Variants in CAMSAP1 observed in about 807,000 individuals in gnomAD.
CAMSAP1 encodes calmodulin-regulated spectrin-associated protein 1.
A neutral mutation model predicts 143.5 loss-of-function variants in CAMSAP1; 58 were observed. The ratio of observed to expected loss-of-function variants is 0.40; its 90% CI spans 0.33 to 0.50. The LOEUF is 0.50. Among genes scored for constraint, CAMSAP1 ranks in the 20% least tolerant of loss-of-function variants. The pLI, the probability that CAMSAP1 is intolerant of heterozygous loss-of-function variation, is 0.45. For synonymous variants in CAMSAP1, 945 were observed against 859.3 expected, an observed-to-expected ratio of 1.10 and a Z score of -1.74; for missense variants, 1,969 against 2,115.7, an observed-to-expected ratio of 0.93 and a Z score of 1.36.
intron 1 of CAMSAP1, among the ~76,000 whole-genome samples, chr9:135,889,120 G>T (rs1188187044): frequency 6.6e-6 from 1 of 152,198 alleles, no homozygotes; most frequent in Non-Finnish European, 1.5e-5. Context: ...CAGTGGCACA[G>T]CAGCCACTCT....
In CAMSAP1 at chr9:135,820,894, G is replaced by A. The variant is rs761933553; in HGVS notation, c.3767C>T (p.Ser1256Leu). ...EDGELVSLDG[S>L]ADLVSEGDQK... The stretch of plus-strand genomic sequence containing the variant: ...GTCGCCTTCGCTGACAAGGTCCGCC[G>A]AGCCATCGAGGCTTACCAGCTCCCC... The change falls in exon 11 of 17, where the codon TCG becomes TTG. Residue 1256 changes from serine to leucine, a missense_variant. Physicochemically the swap from Ser to Leu is moderately radical, Grantham distance 145 (BLOSUM62 -2). Around this residue, in one of 4 missense-constraint regions of CAMSAP1, gnomAD observed 1,390 missense variants for 1,420.8 expected, o/e 0.98. Transcript: ENST00000389532. This position sits in a 1 kb window ranked among gnomAD's most constrained non-coding sequence, Gnocchi z 4.4. 31 of 1,613,594 alleles carry A rather than the reference G, an allele frequency of 1.9e-5. No homozygotes were observed. The highest frequency in any genetic ancestry group is 4.5e-5 in the East Asian group (2 of 44,900).
Position 135,862,471 on chromosome 9 carries a change from C to T in CAMSAP1, c.804G>A (p.Leu268=). ...AGGGAAGCATTCTCCACTCACCATC[C>T]AGTTTCATCTGCTCTGGGCAATAAT... ...IHYYCPEQMK[L]DDICLKEVTS... The change falls in exon 5 of 17, where the codon CTG becomes CTA. Residue 268 remains leucine, a synonymous_variant. Transcript: ENST00000389532. The T allele has an allele frequency of 6.4e-7, 1 of 1,551,356 alleles. No homozygotes were observed. The highest frequency in any genetic ancestry group is 8.7e-7 in the Non-Finnish European group (1 of 1,146,934).
rs1196114429 is a variant in CAMSAP1 at position 135,862,688 on chromosome 9, C to T, written c.667-80G>A. 9 of 1,395,728 alleles carry T rather than the reference C, an allele frequency of 6.4e-6. No individual in the cohort carries two copies. The Admixed American group carries it at 8.1e-5, about 13-fold the overall frequency. The allele number at this position is 1,395,728 out of a possible 1,614,324, so 86.5% of individuals were successfully genotyped here. Reference sequence around the variant, plus strand: ...ATATGTTACAGGCACACTGTTAGATCGAGAATTAACATAACGCCTAACAGA... The same window carrying T: ...ATATGTTACAGGCACACTGTTAGATTGAGAATTAACATAACGCCTAACAGA... On this transcript the variant is annotated intron_variant, in intron 4 of 16. Transcript: ENST00000389532.
chr9:135,882,357 T>C lies in CAMSAP1; in HGVS notation c.423+459A>G, dbSNP rs76306996. Among the ~76,000 whole-genome samples, 1,000 of 150,760 alleles carry C rather than the reference T, an allele frequency of 6.6e-3. 6 individuals are homozygous for C. The highest frequency in any genetic ancestry group is 0.023 in the African/African-American group (925 of 41,006). On this transcript the variant is annotated intron_variant, in intron 2 of 16. Coordinates refer to ENST00000389532, the MANE Select transcript of CAMSAP1 (RefSeq NM_015447.4). This position sits in a 1 kb window ranked among gnomAD's most constrained non-coding sequence, Gnocchi z 4.9. ...AAGGCAGTGCAGGAGGCACCGAGAA[T>C]GGCCCTGACCCAGAACGCTCTGGAA...
intron 1 of CAMSAP1, among the ~76,000 whole-genome samples, chr9:135,884,322 A>G (rs1838055297): frequency 6.6e-6 from 1 of 152,124 alleles, no homozygotes; most frequent in Admixed American, 6.5e-5. Flanking sequence ...CCCCAGGGGA[A>G]GAACCAGCTG....
Position 135,827,498 on chromosome 9 carries a change from C to A in CAMSAP1, c.1132G>T (p.Ala378Ser), listed in dbSNP as rs1294676012. 1.9e-6 allele frequency: 3 copies of A among 1,612,910 alleles called. No homozygotes were observed. Among genetic ancestry groups the A allele is most frequent in the Admixed American group, 1.7e-5 (1 of 59,988 alleles). Reference protein sequence around the residue: ...TKRSFLGSPAAGTLAELQPPV... With the variant: ...TKRSFLGSPASGTLAELQPPV... The stretch of plus-strand genomic sequence containing the variant: ...GGCTGCAGCTCAGCCAGGGTCCCTG[C>A]AGCAGGGCTGCCTAGGAAACTGCGT... The change falls in exon 8 of 17, where the codon GCA becomes TCA. Residue 378 changes from alanine (A) to serine (S), a missense_variant. Ala to Ser is a moderately conservative substitution (Grantham distance 99, BLOSUM62 1). Transcript: ENST00000389532.
Position 135,819,074 on chromosome 9 carries a change from C to T in CAMSAP1, c.3895G>A (p.Glu1299Lys). 6.2e-7 allele frequency: 1 copy of T among 1,604,172 alleles called. No individual in the cohort carries two copies. Residue 1299 changes from glutamate to lysine, a missense_variant, in exon 12 of 17, where the codon GAG becomes AAG. By Grantham distance (56) the Glu-to-Lys change is moderately conservative (BLOSUM62 1). Coordinates refer to ENST00000389532, the MANE Select transcript of CAMSAP1 (RefSeq NM_015447.4). ...TGCTGCTTGCGCACGCGGGCCTCCT[C>T]GGCCTTGCGCTGCTGCTTCAGGAGG... ...AFLLKQQRKA[E>K]EARVRKQQLE...
rs535907423 is a variant in CAMSAP1, at chr9:135,889,583, G to A, written c.161-6505C>T. ...AGACCAAGCCCGGAGCAGAGGCCACGTGCTGGTGAGGAGAGGCTGGAGGGG... is the reference window on the plus strand; with the variant it reads ...AGACCAAGCCCGGAGCAGAGGCCACATGCTGGTGAGGAGAGGCTGGAGGGG... On this transcript the variant is annotated intron_variant, in intron 1 of 16. Coordinates refer to ENST00000389532, the MANE Select transcript of CAMSAP1 (RefSeq NM_015447.4). Among the ~76,000 whole-genome samples, 25 of 152,350 alleles carry A rather than the reference G, an allele frequency of 1.6e-4. No homozygotes were observed. The South Asian group carries it at 1.9e-3, about 11-fold the overall frequency.
In CAMSAP1 at chr9:135,818,697, G is replaced by A. The variant is rs374588513; in HGVS notation, c.3960-81C>T. The A allele has an allele frequency of 4.7e-6, 7 of 1,475,400 alleles. No homozygotes were observed. Among genetic ancestry groups the A allele is most frequent in the East Asian group, 4.8e-5 (2 of 41,290 alleles). 91.4% of individuals were successfully genotyped at this position (1,475,400 alleles called of 1,614,324 possible). On this transcript the variant is annotated intron_variant, in intron 12 of 16. Coordinates refer to ENST00000389532, the MANE Select transcript of CAMSAP1 (RefSeq NM_015447.4). The surrounding 1 kb of genome is among the most constrained non-coding windows in gnomAD (Gnocchi z 7.7). ...CTGCGCCGCGGCGCTCTGTCCAGGC[G>A]CGTTTCTCGGGTTCTCCCCGGCCGC...
chr9:135,842,683 T>C (rs1194248104), intron 7 of CAMSAP1, among the ~76,000 whole-genome samples: 1 of 152,198 alleles, frequency 6.6e-6, no homozygotes, highest in East Asian at 1.9e-4. Flanking sequence ...TGAGGGCCAA[T>C]ATTCAACATT....
chr9:135,821,584 T>C lies in CAMSAP1; in HGVS notation c.3077A>G (p.Lys1026Arg), dbSNP rs1835462971. The change falls in exon 11 of 17, where the codon AAG (lysine) becomes AGG (arginine). Residue 1026 changes from lysine (K) to arginine (R), a missense_variant. By Grantham distance (26) the Lys-to-Arg change is conservative. Around this residue, in one of 4 missense-constraint regions of CAMSAP1, gnomAD observed 1,390 missense variants for 1,420.8 expected, o/e 0.98. Transcript: ENST00000389532. This position sits in a 1 kb window ranked among gnomAD's most constrained non-coding sequence, Gnocchi z 4.6. ...CAGCGTACTGATGGTTTCGTTAAGC[T>C]TCTCGATGGAAAGGTCACATTCATT... The part of the protein sequence containing the change: ...DVNECDLSIE[K>R]LNETISTLQQ... 1 of 1,613,894 alleles carries C rather than the reference T, an allele frequency of 6.2e-7. No homozygotes were observed.
At chr9:135,860,522 T>G (rs1222638659) in intron 5 of CAMSAP1, among the ~76,000 whole-genome samples, 1 of 140,114 alleles carries the variant, frequency 7.1e-6, no homozygotes, top group Non-Finnish European at 1.5e-5. Context: ...CGCTTGAACC[T>G]GGGAAGTGGA....
At chr9:135,889,636 C>T (rs937420440) in intron 1 of CAMSAP1, among the ~76,000 whole-genome samples, 1 of 152,242 alleles carries the variant, frequency 6.6e-6, no homozygotes, top group African/African-American at 2.4e-5. Context: ...TAGCAGCTGC[C>T]CTGGGCCATC....
rs376451836 is a variant in CAMSAP1 at position 135,889,660 on chromosome 9, G to A, written c.161-6582C>T. On this transcript the variant is annotated intron_variant, in intron 1 of 16. Transcript: ENST00000389532. The stretch of plus-strand genomic sequence containing the variant: ...CCCTGGGCCATCTCATGAGCGCAGT[G>A]ACAGAGACCTCACTGGGCCAGGAGG... Among the ~76,000 whole-genome samples, 85 of 152,338 alleles carry A rather than the reference G, an allele frequency of 5.6e-4. 1 individual carries two copies. Among genetic ancestry groups the A allele is most frequent in the African/African-American group, 1.9e-3 (78 of 41,580 alleles).
At chr9:135,863,985 T>C (rs1417447390) in intron 4 of CAMSAP1, among the ~76,000 whole-genome samples, 1 of 152,248 alleles carries the variant, frequency 6.6e-6, no homozygotes, top group East Asian at 1.9e-4. Context: ...GGAACTTGTA[T>C]AGCTGCCTTG....
chr9:135,848,852 G>T (rs913770820), intron 7 of CAMSAP1, among the ~76,000 whole-genome samples: 1 of 152,346 alleles, frequency 6.6e-6, no homozygotes, highest in South Asian at 2.1e-4. Flanking sequence ...ACAGGAATGG[G>T]CTTGCTGAGC....
intron 7 of CAMSAP1, among the ~76,000 whole-genome samples, chr9:135,843,834 A>C (rs1405401425): frequency 2.8e-5 from 4 of 145,356 alleles, no homozygotes; most frequent in Non-Finnish European, 4.5e-5. Flanking sequence ...AGATCGCGCC[A>C]CTGCTCTCCA....
In CAMSAP1 at chr9:135,824,705, A is replaced by T; in HGVS notation, c.1315+84T>A. The T allele has an allele frequency of 9.5e-7, 1 of 1,047,184 alleles. No homozygotes were observed. The highest frequency in any genetic ancestry group is 1.7e-5 in the South Asian group (1 of 60,218). 64.9% of individuals were successfully genotyped at this position (1,047,184 alleles called of 1,614,324 possible). A position where few individuals can be genotyped will look rare whatever the true frequency, so the allele number is the denominator to read the frequency against. On this transcript the variant is annotated intron_variant, in intron 9 of 16. Coordinates refer to ENST00000389532, the MANE Select transcript of CAMSAP1 (RefSeq NM_015447.4). This position sits in a 1 kb window ranked among gnomAD's most constrained non-coding sequence, Gnocchi z 4.1. ...AACAAAAAAATCACTACATCAGATA[A>T]AATGATTTAATTTTGAGAAATATGA... is the stretch of plus-strand genomic sequence containing the variant.
chr9:135,892,302 A>G (rs1359528428), intron 1 of CAMSAP1, among the ~76,000 whole-genome samples: 5 of 152,248 alleles, frequency 3.3e-5, no homozygotes, highest in Admixed American at 2.0e-4. Context: ...TTCAGTTACC[A>G]TGCTTCAAAC....
Sources: gnomAD v4.1 joint callset for allele counts (sites outside exome capture counted in the v4.1 genomes callset) on GRCh38, gnomAD v4.1.1 for gene constraint, gnomAD v4.1.1 regional missense constraint, Gnocchi (gnomAD v3.1) non-coding constraint, MANE v1.5 for transcripts, NCBI Gene and HGNC (gene_info 2026-07-23, HGNC 2026-07-21) for gene names.